The following INSYN2B variants were observed in gnomAD, a reference collection of about 807,000 sequenced individuals.
INSYN2B encodes protein INSYN2B.
Under a neutral mutation model 41.2 loss-of-function variants are expected in INSYN2B, and 16 were observed. The observed-to-expected ratio is 0.39, with a 90% confidence interval of 0.26 to 0.59. The LOEUF (loss-of-function observed/expected upper bound fraction) is 0.59, where lower values mean the gene tolerates loss of function less well. Ranked by LOEUF, INSYN2B falls within the 20% of genes least tolerant of loss-of-function variation. The pLI is 0.57. For missense variants in INSYN2B, 608 were observed against 646.4 expected, an observed-to-expected ratio of 0.94 and a Z score of 0.64; for synonymous variants, 245 against 244.4, an observed-to-expected ratio of 1.00 and a Z score of -0.02.
chr5:169,958,534 G>A (rs528770662), intron 1 of INSYN2B, among the ~76,000 whole-genome samples: 18 of 151,602 alleles, frequency 1.2e-4, no homozygotes, highest in South Asian at 4.2e-4. Context: ...CCCCCTTTCC[G>A]TCTTACTATT....
intron 3 of INSYN2B, among the ~76,000 whole-genome samples, chr5:169,869,289 A>G (rs1771791768): frequency 6.6e-6 from 1 of 152,098 alleles, no homozygotes. Flanking sequence ...AATCACTGGG[A>G]TTTAGGGAGC....
chr5:169,934,258 A>C (rs1266835111), intron 1 of INSYN2B, among the ~76,000 whole-genome samples: 2 of 152,162 alleles, frequency 1.3e-5, no homozygotes, highest in Non-Finnish European at 2.9e-5. Context: ...GAACAAGAAG[A>C]GTCCCTTCTA....
chr5:169,936,510 A>C (rs1028186812), intron 1 of INSYN2B, among the ~76,000 whole-genome samples: 1 of 151,536 alleles, frequency 6.6e-6, no homozygotes, highest in African/African-American at 2.4e-5. Context: ...ATGAATAAAC[A>C]CATCTATTCT....
At chr5:169,928,362 C>T (rs1267370271) in intron 1 of INSYN2B, among the ~76,000 whole-genome samples, 2 of 152,256 alleles carry the variant, frequency 1.3e-5, no homozygotes, top group South Asian at 2.1e-4. Flanking sequence ...CCTATCTCCA[C>T]CTGAATGAAC....
rs1320378042 is a variant in INSYN2B, at chr5:169,943,991, G to A, written c.-919+36286C>T. ...GTAAAGTGGTAAGAGTGGGCTAATAGCATGGTGTGACTCTATAATTCTCCA... is the reference window on the plus strand; with the variant it reads ...GTAAAGTGGTAAGAGTGGGCTAATAACATGGTGTGACTCTATAATTCTCCA... On this transcript the variant is annotated intron_variant, in intron 1 of 3. Coordinates refer to ENST00000377365, the MANE Select transcript of INSYN2B (RefSeq NM_001129891.3). Among the ~76,000 whole-genome samples, 4 of 152,216 alleles carry A rather than the reference G, an allele frequency of 2.6e-5. No homozygotes were observed. The South Asian group carries it at 6.2e-4, about 24-fold the overall frequency.
intron 3 of INSYN2B, chr5:169,875,496 G>A (rs1772271848): frequency 3.1e-6 from 1 of 325,342 alleles, no homozygotes. Flanking sequence ...AAGGCAGCAT[G>A]CTGTGGAATC....
chr5:169,867,912 T>G (rs1261686119), intron 3 of INSYN2B, among the ~76,000 whole-genome samples: 1 of 152,190 alleles, frequency 6.6e-6, no homozygotes, highest in Non-Finnish European at 1.5e-5. Flanking sequence ...CATGGTGAGT[T>G]GCAAGCTCTG....
At position 169,863,549 on chromosome 5, in the gene INSYN2B, G is replaced by A. The variant is rs1274783256; in HGVS notation, c.*724C>T. ...ATGGTTTAGGGTGGGCCCTGGAACA[G>A]CTACAGCTGCTGAAATCCTCTTTGA... is the stretch of plus-strand genomic sequence containing the variant. On this transcript the variant is annotated 3_prime_UTR_variant, in exon 4 of 4. Transcript: ENST00000377365. Among the ~76,000 whole-genome samples, 1 of 152,230 alleles carries A rather than the reference G, an allele frequency of 6.6e-6. No individual in the cohort carries two copies. Among genetic ancestry groups the A allele is most frequent in the African/African-American group, 2.4e-5 (1 of 41,454 alleles).
rs71605735 is a variant in INSYN2B, at chr5:169,871,280, A to C, written c.1422-6821T>G. ...TAAAGAAGGACCAAATGTTTTAGCC[A>C]TGGACCTAACTCTTTCCAGCATTTT... On this transcript the variant is annotated intron_variant, in intron 3 of 3. Coordinates refer to ENST00000377365, the MANE Select transcript of INSYN2B (RefSeq NM_001129891.3). 5.3e-5 allele frequency among the ~76,000 whole-genome samples: 8 copies of C among 152,350 alleles called. No homozygotes were observed. The South Asian group carries it at 1.4e-3, about 28-fold the overall frequency.
At chr5:169,911,161 A>G (rs1243140025) in intron 1 of INSYN2B, among the ~76,000 whole-genome samples, 5 of 152,196 alleles carry the variant, frequency 3.3e-5, no homozygotes, top group Admixed American at 3.3e-4. Context: ...TTTCACTGAC[A>G]AAATGGCCCC....
rs1398644127 is a variant in INSYN2B at position 169,863,496 on chromosome 5, C to A, written c.*777G>T. Among the ~76,000 whole-genome samples, 1 of 152,220 alleles carries A rather than the reference C, an allele frequency of 6.6e-6. No homozygotes were observed. Among genetic ancestry groups the A allele is most frequent in the African/African-American group, 2.4e-5 (1 of 41,454 alleles). ...AGATTCCACCCATTTGCCAGGTGGT[C>A]TCAGGCCCTAGGCAGAGAAGAAGCA... On this transcript the variant is annotated 3_prime_UTR_variant, in exon 4 of 4. Coordinates refer to ENST00000377365, the MANE Select transcript of INSYN2B (RefSeq NM_001129891.3).
intron 1 of INSYN2B, among the ~76,000 whole-genome samples, chr5:169,969,648 G>A (rs1234734863): frequency 6.6e-6 from 1 of 152,210 alleles, no homozygotes; most frequent in Non-Finnish European, 1.5e-5. Context: ...TGTAGGAAAG[G>A]TCACACGTGC....
In INSYN2B at chr5:169,936,541, G is replaced by A. The variant is rs1776006814; in HGVS notation, c.-919+43736C>T. On this transcript the variant is annotated intron_variant, in intron 1 of 3. Coordinates refer to ENST00000377365, the MANE Select transcript of INSYN2B (RefSeq NM_001129891.3). ...ATTCTATCCTGTGTGTATTTCGATG[G>A]GCATGTTGGGGAGAATCATTGGTGA... Among the ~76,000 whole-genome samples the A allele has an allele frequency of 2.0e-5, 3 of 150,606 alleles. No homozygotes were observed. The South Asian group carries it at 6.3e-4, about 32-fold the overall frequency.
chr5:169,861,665 A>G lies in INSYN2B; in HGVS notation c.*2608T>C, dbSNP rs1399880658. On this transcript the variant is annotated 3_prime_UTR_variant, in exon 4 of 4. Transcript: ENST00000377365. ...TTTACAAAGAAGCAGTGATTTTCAC[A>G]TGAATAAGTGAGTATGCAGTTTTGG... Among the ~76,000 whole-genome samples, 3 of 152,242 alleles carry G rather than the reference A, an allele frequency of 2.0e-5. No homozygotes were observed. Among genetic ancestry groups the G allele is most frequent in the Non-Finnish European group, 2.9e-5 (2 of 68,034 alleles).
At chr5:169,872,550 G>C (rs1439477789) in intron 3 of INSYN2B, among the ~76,000 whole-genome samples, 1 of 152,126 alleles carries the variant, frequency 6.6e-6, no homozygotes, top group East Asian at 1.9e-4. Context: ...AAAATCACAG[G>C]TTCTCTTCTT....
intron 1 of INSYN2B, among the ~76,000 whole-genome samples, chr5:169,934,023 C>T (rs1775876736): frequency 1.3e-5 from 2 of 152,184 alleles, no homozygotes; most frequent in Non-Finnish European, 2.9e-5. Flanking sequence ...GCATTTAGGG[C>T]AGAGCATGCC....
chr5:169,882,710 T>C lies in INSYN2B; in HGVS notation c.1189A>G (p.Ser397Gly), dbSNP rs1246229189. The change falls in exon 2 of 4, where the codon AGT (serine) becomes GGT (glycine). Residue 397 changes from serine to glycine, a missense_variant. By Grantham distance (56) the Ser-to-Gly change is moderately conservative. Coordinates refer to ENST00000377365, the MANE Select transcript of INSYN2B (RefSeq NM_001129891.3). ...ETKLQSNREI[S>G]DINQIHLARG... is the part of the protein sequence containing the mutation. Reference sequence around the variant, plus strand: ...GCCAGGTGAATTTGATTAATGTCACTAATCTCCCTGTTGCTCTGAAGTTTG... The same window carrying C: ...GCCAGGTGAATTTGATTAATGTCACCAATCTCCCTGTTGCTCTGAAGTTTG... 1 of 1,551,946 alleles carries C rather than the reference T, an allele frequency of 6.4e-7. No individual in the cohort carries two copies. The highest frequency in any genetic ancestry group is 8.7e-7 in the Non-Finnish European group (1 of 1,147,038).
intron 1 of INSYN2B, among the ~76,000 whole-genome samples, chr5:169,929,188 G>A (rs1430598971): frequency 6.6e-6 from 1 of 152,152 alleles, no homozygotes; most frequent in Non-Finnish European, 1.5e-5. Context: ...GTGTTTTCAA[G>A]TTCAAGTCAT....
chr5:169,890,618 T>C (rs1773226277), intron 1 of INSYN2B, among the ~76,000 whole-genome samples: 1 of 152,142 alleles, frequency 6.6e-6, no homozygotes, highest in East Asian at 1.9e-4. Context: ...TTGTAAGTGG[T>C]CAAAGAAACA....
Sources: allele counts gnomAD v4.1 joint callset (sites outside exome capture counted in the v4.1 genomes callset), GRCh38; gene constraint gnomAD v4.1.1; transcripts MANE v1.5; gene names NCBI Gene and HGNC (gene_info 2026-07-23, HGNC 2026-07-21).